The following OTOA variants were observed in gnomAD, a reference collection of about 807,000 sequenced individuals.
OTOA encodes the protein otoancorin.
A neutral mutation model predicts 110.8 loss-of-function variants in OTOA; 70 were observed. That is an observed-to-expected ratio of 0.63 (90% CI 0.52 to 0.77). OTOA has a LOEUF of 0.77. OTOA is among the 30% of genes least tolerant of loss of function. The pLI is 0.00. For synonymous variants in OTOA, 373 were observed against 431.5 expected, an observed-to-expected ratio of 0.86 and a Z score of 1.68; for missense variants, 917 against 1,075.8, an observed-to-expected ratio of 0.85 and a Z score of 2.06.
At chr16:21,685,187 GCT>G in intron 6 of OTOA, 41 bp from the exon 7 acceptor site, 1 of 1,606,000 alleles carries the variant, frequency 6.2e-7, no homozygotes, top group Non-Finnish European at 8.5e-7. Context: ...ATGTGCTCCT[GCT>G]CTTTCTGTTC....
At chr16:21,666,305 T>C (rs1270066262) in intron 1 of OTOA, among the ~76,000 whole-genome samples, 1 of 149,912 alleles carries the variant, frequency 6.7e-6, no homozygotes, top group Non-Finnish European at 1.5e-5. Flanking sequence ...TAGAGTTATG[T>C]GTTCATGACC....
At chr16:21,694,932 T>C (rs1897901356) in intron 9 of OTOA, among the ~76,000 whole-genome samples, 1 of 152,200 alleles carries the variant, frequency 6.6e-6, no homozygotes, top group South Asian at 2.1e-4. Context: ...ACCTTCAGAC[T>C]TCTCTGTCTT....
chr16:21,684,423 G>C, intron 6 of OTOA: 3 of 1,529,762 alleles, frequency 2.0e-6, no homozygotes, highest in Middle Eastern at 1.8e-4. Context: ...CACAGAGTAT[G>C]TTCATTTCGC....
At chr16:21,699,195 C>T (rs1227046737) in intron 10 of OTOA, among the ~76,000 whole-genome samples, 1 of 152,068 alleles carries the variant, frequency 6.6e-6, no homozygotes, top group Non-Finnish European at 1.5e-5. Context: ...AGGTGATCTG[C>T]CTTGCCTCAG....
intron 1 of OTOA, among the ~76,000 whole-genome samples, chr16:21,670,152 A>T (rs1402343856): frequency 6.6e-6 from 1 of 151,388 alleles, no homozygotes; most frequent in Non-Finnish European, 1.5e-5. Context: ...AAACAAAAAC[A>T]AGTCAGAGCA....
chr16:21,686,970 G>A (rs962373245), intron 7 of OTOA, among the ~76,000 whole-genome samples: 2 of 152,148 alleles, frequency 1.3e-5, no homozygotes, highest in Non-Finnish European at 2.9e-5. Flanking sequence ...CGGGCTTGGA[G>A]GAAAGACGCA....
At chr16:21,759,131 C>T (rs547138058) in intron 28 of OTOA, among the ~76,000 whole-genome samples, 29 of 152,170 alleles carry the variant, frequency 1.9e-4, no homozygotes, top group South Asian at 1.2e-3. Flanking sequence ...CACAGGGTTC[C>T]GAATATATAA....
At chr16:21,725,029 C>T (rs867834003) in intron 18 of OTOA, among the ~76,000 whole-genome samples, 9 of 152,036 alleles carry the variant, frequency 5.9e-5, no homozygotes, top group African/African-American at 2.2e-4. Context: ...CTGCTTGCCT[C>T]GGCCTCCCAA....
rs558065212 is a variant in OTOA, at chr16:21,665,898, G to A, written c.-5+1666G>A. ...GGCTGGAATGTAGTGACATGTGATC[G>A]CGGCTCACTGTGGCCTCGACCTCCC... On this transcript the variant is annotated intron_variant, in intron 1 of 28. Coordinates refer to ENST00000646100, the MANE Select transcript of OTOA (RefSeq NM_144672.4). 4.6e-5 allele frequency among the ~76,000 whole-genome samples: 7 copies of A among 151,750 alleles called. No individual in the cohort carries two copies. In the South Asian group the frequency reaches 1.0e-3, roughly 23 times the overall value.
At chr16:21,707,827 G>A (rs374521074) in intron 12 of OTOA, among the ~76,000 whole-genome samples, 1 of 123,684 alleles carries the variant, frequency 8.1e-6, no homozygotes, top group Non-Finnish European at 1.6e-5. Context: ...ATGGAGTGTC[G>A]CTCTGTTGCC....
intron 10 of OTOA, among the ~76,000 whole-genome samples, chr16:21,699,094 G>A (rs760537326): frequency 2.6e-5 from 4 of 152,072 alleles, no homozygotes; most frequent in Non-Finnish European, 5.9e-5. Context: ...GGGATTACAG[G>A]CACATGCCAC....
intron 14 of OTOA, 72 bp from the exon 15 acceptor site, chr16:21,716,835 T>C: frequency 6.3e-7 from 1 of 1,577,932 alleles, no homozygotes; most frequent in South Asian, 1.1e-5. Flanking sequence ...GCCTGTGATG[T>C]AGTGCCTGGC....
Position 21,671,326 on chromosome 16 carries a change from C to G in OTOA, c.-5+7094C>G, listed in dbSNP as rs541287997. Among the ~76,000 whole-genome samples, 21 of 152,052 alleles carry G rather than the reference C, an allele frequency of 1.4e-4. No homozygotes were observed. In the South Asian group the frequency reaches 4.4e-3, roughly 32 times the overall value. ...CCAAGGCCGGGCTCAGTGGCTCACA[C>G]CTGTAATCTCAGCACTTTGGGAGGC... On this transcript the variant is annotated intron_variant, in intron 1 of 28. Coordinates refer to ENST00000646100, the MANE Select transcript of OTOA (RefSeq NM_144672.4).
At chr16:21,680,880 G>A (rs995626779) in intron 5 of OTOA, among the ~76,000 whole-genome samples, 13 of 151,682 alleles carry the variant, frequency 8.6e-5, no homozygotes, top group African/African-American at 2.9e-4. Flanking sequence ...ATGAGAAAAG[G>A]CTATTCATGG....
In OTOA at chr16:21,691,567, G is replaced by T; in HGVS notation, c.636-17G>T. ...ACCTGCTTGTTATTAGCTGATGCCT[G>T]TGTTTGTGTCATTTAGATCTGCAGT... On this transcript the variant is annotated splice_polypyrimidine_tract_variant and intron_variant, in intron 8 of 28. Transcript: ENST00000646100. 1 of 1,602,208 alleles carries T rather than the reference G, an allele frequency of 6.2e-7. No homozygotes were observed. The highest frequency in any genetic ancestry group is 8.6e-7 in the Non-Finnish European group (1 of 1,169,552).
At chr16:21,671,845 A>G (rs1966849620) in intron 1 of OTOA, among the ~76,000 whole-genome samples, 1 of 152,102 alleles carries the variant, frequency 6.6e-6, no homozygotes, top group Non-Finnish European at 1.5e-5. Context: ...AGATACAAAA[A>G]ATGGGGGCTG....
At chr16:21,707,101 G>A (rs1041498257) in intron 12 of OTOA, among the ~76,000 whole-genome samples, 5 of 152,012 alleles carry the variant, frequency 3.3e-5, no homozygotes, top group East Asian at 1.9e-4. Context: ...CTGACCTCAA[G>A]TGATCCACCT....
intron 27 of OTOA, among the ~76,000 whole-genome samples, chr16:21,756,485 A>G (rs1429313104): frequency 2.0e-5 from 3 of 152,052 alleles, no homozygotes; most frequent in African/African-American, 7.2e-5. Context: ...CACAGCAAGT[A>G]TGTGGCAGAG....
intron 6 of OTOA, 81 bp downstream of exon 6, chr16:21,681,906 G>A: frequency 7.6e-7 from 1 of 1,321,050 alleles, no homozygotes. Flanking sequence ...AGTTGGAGAA[G>A]TGGGCTGGAT....
Sources: gnomAD v4.1 joint callset for allele counts (sites outside exome capture counted in the v4.1 genomes callset) on GRCh38, gnomAD v4.1.1 for gene constraint, MANE v1.5 for transcripts, NCBI Gene and HGNC (gene_info 2026-07-23, HGNC 2026-07-21) for gene names.